The following NBAS variants were observed in gnomAD, a reference collection of about 807,000 sequenced individuals.
NBAS encodes NBAS subunit of NRZ tethering complex.
In NBAS, 219 loss-of-function variants were observed where a neutral mutation model predicts 302.5. The observed-to-expected ratio is 0.72, with a 90% CI of 0.65 to 0.81. The LOEUF (loss-of-function observed/expected upper bound fraction) is 0.81, where lower values mean the gene tolerates loss of function less well. Among genes scored for constraint, NBAS ranks in the 30% least tolerant of loss-of-function variants. The probability of loss-of-function intolerance (pLI) is 0.00; values close to 1 mark genes in which losing one functional copy is unlikely to be tolerated. For synonymous variants in NBAS, 1,118 were observed against 1,021.6 expected (o/e 1.09, Z -1.80); for missense variants, 2,932 against 2,841.6 (o/e 1.03, Z -0.72).
chr2:15,291,803 A>G (rs1445190370), intron 41 of NBAS, among the ~76,000 whole-genome samples: 1 of 152,222 alleles, frequency 6.6e-6, no homozygotes, highest in African/African-American at 2.4e-5. Flanking sequence ...ATTTCTAGCC[A>G]GACACAAAGG....
At chr2:15,483,409 A>G (rs749907263) in intron 12 of NBAS, 40 of 396,840 alleles carry the variant, frequency 1.0e-4, no homozygotes, top group Admixed American at 2.1e-4. Flanking sequence ...CAATGAAGAC[A>G]TAAGTTTGTA....
chr2:15,454,787 C>A (rs1679173521), intron 21 of NBAS, among the ~76,000 whole-genome samples: 1 of 152,152 alleles, frequency 6.6e-6, no homozygotes, highest in African/African-American at 2.4e-5. Flanking sequence ...TCACAAACTG[C>A]CACTCTTCTG....
At chr2:15,327,113 G>A (rs951143974) in intron 38 of NBAS, among the ~76,000 whole-genome samples, 1 of 152,072 alleles carries the variant, frequency 6.6e-6, no homozygotes, top group African/African-American at 2.4e-5. Context: ...CAAGAAAACT[G>A]CTTTTTCTTC....
chr2:15,057,005 T>C, the NBAS span, among the ~76,000 whole-genome samples: 1 of 151,970 alleles, frequency 6.6e-6, no homozygotes, highest in African/African-American at 2.4e-5. Flanking sequence ...ATTTTTTATA[T>C]TTTTAGTAGA....
chr2:14,913,876 T>G, the NBAS span, among the ~76,000 whole-genome samples: 4 of 152,196 alleles, frequency 2.6e-5, no homozygotes, highest in African/African-American at 9.6e-5. Flanking sequence ...TGAAGGGATT[T>G]CAATCCTAGC....
intron 48 of NBAS, among the ~76,000 whole-genome samples, chr2:15,194,316 C>G (rs773181180): frequency 6.2e-4 from 94 of 151,954 alleles, no homozygotes; most frequent in Non-Finnish European, 2.1e-4. Context: ...GCAGACAGAA[C>G]AACGTTACCT....
In NBAS at chr2:15,234,628, C is replaced by T; in HGVS notation, c.6063G>A (p.Leu2021=). ...CAAGAGGGCCAACTGCCACCTCTAG[C>T]AGCTGCTGAATCATTGCTAGAGGCT... The part of the protein sequence containing the change: ...DGQPLAMIQQ[L]LEVAVGPLDI... Residue 2021 remains leucine, a synonymous_variant, in exon 46 of 52, where the codon CTG becomes CTA. Coordinates refer to ENST00000281513, the MANE Select transcript of NBAS (RefSeq NM_015909.4). The T allele has an allele frequency of 1.2e-6, 2 of 1,614,184 alleles. No individual in the cohort carries two copies. Among genetic ancestry groups the T allele is most frequent in the Non-Finnish European group, 1.7e-6 (2 of 1,180,016 alleles).
the NBAS span, among the ~76,000 whole-genome samples, chr2:15,155,248 T>C: frequency 1.3e-5 from 2 of 152,208 alleles, no homozygotes; most frequent in African/African-American, 4.8e-5. Context: ...GAGAAAAATA[T>C]GTATGTCAAG....
rs2148560127 is a variant in NBAS at position 15,461,353 on chromosome 2, G to A, written c.2203-16C>T. The A allele has an allele frequency of 6.2e-7, 1 of 1,609,402 alleles. No homozygotes were observed. The highest frequency in any genetic ancestry group is 1.1e-5 in the South Asian group (1 of 90,978). ...CATTACTTTCCTGTACAAAAGGCAA[G>A]GGGTAAGTTTCTAATGTAAATCTAA... On this transcript the variant is annotated splice_polypyrimidine_tract_variant and intron_variant, in intron 20 of 51. Transcript: ENST00000281513.
the NBAS span, among the ~76,000 whole-genome samples, chr2:15,161,316 C>T: frequency 6.6e-6 from 1 of 152,090 alleles, no homozygotes; most frequent in South Asian, 2.1e-4. Context: ...TATCTCATTG[C>T]TAGTACTAGC....
At position 15,306,069 on chromosome 2, in the gene NBAS, T is replaced by C. The variant is rs114119284; in HGVS notation, c.4797+2147A>G. On this transcript the variant is annotated intron_variant, in intron 40 of 51. Coordinates refer to ENST00000281513, the MANE Select transcript of NBAS (RefSeq NM_015909.4). ...TACTTAGAGTTTTAGAGGAAATTAT[T>C]TGGCACTTGTGTACACACATAGCAC... Among the ~76,000 whole-genome samples the C allele has an allele frequency of 3.4e-3, 523 of 152,330 alleles. 2 individuals carry two copies. Among genetic ancestry groups the C allele is most frequent in the African/African-American group, 0.012 (496 of 41,584 alleles).
chr2:15,263,128 C>A (rs912390834), intron 44 of NBAS, among the ~76,000 whole-genome samples: 17 of 152,174 alleles, frequency 1.1e-4, no homozygotes, highest in African/African-American at 4.1e-4. Flanking sequence ...CCAATCATCA[C>A]AAAAGTGGTG....
chr2:15,498,245 A>T (rs1404227149), intron 11 of NBAS, among the ~76,000 whole-genome samples: 1 of 152,228 alleles, frequency 6.6e-6, no homozygotes, highest in African/African-American at 2.4e-5. Context: ...CTAGAGTTCC[A>T]CTTGCTATAA....
At chr2:14,882,889 T>C in the NBAS span, among the ~76,000 whole-genome samples, 15 of 152,178 alleles carry the variant, frequency 9.9e-5, no homozygotes, top group Non-Finnish European at 8.8e-5. Context: ...CCATAGAGAC[T>C]CATATCAGTG....
chr2:15,484,277 A>T (rs1018374156), intron 12 of NBAS, among the ~76,000 whole-genome samples: 6 of 152,170 alleles, frequency 3.9e-5, no homozygotes, highest in Non-Finnish European at 5.9e-5. Context: ...TCTCTGATTT[A>T]CCCAGATAAA....
the NBAS span, among the ~76,000 whole-genome samples, chr2:14,789,756 A>G: frequency 2.0e-5 from 3 of 152,180 alleles, no homozygotes; most frequent in Non-Finnish European, 4.4e-5. Flanking sequence ...ATACTGATCC[A>G]TTTGTTTATG....
intron 34 of NBAS, among the ~76,000 whole-genome samples, chr2:15,353,141 T>TC (rs758668225): frequency 1.7e-4 from 26 of 151,660 alleles, no homozygotes; most frequent in African/African-American, 5.3e-4. Flanking sequence ...AAATTTAGCA[T>TC]CCCCCCCAAC....
In NBAS at chr2:15,376,490, T is replaced by C. The variant is rs752775327; in HGVS notation, c.3591-1770A>G. On this transcript the variant is annotated intron_variant, in intron 30 of 51. Transcript: ENST00000281513. ...GTATTTTCATCATTTGAAATAAAAA[T>C]AGAATCGCTTAGGAGAAAAGAAAGA... Among the ~76,000 whole-genome samples the C allele has an allele frequency of 1.4e-4, 22 of 152,256 alleles. No homozygotes were observed. The South Asian group carries it at 3.1e-3, about 22-fold the overall frequency.
intron 19 of NBAS, among the ~76,000 whole-genome samples, chr2:15,466,632 A>C (rs568746325): frequency 6.6e-6 from 1 of 152,266 alleles, no homozygotes; most frequent in Admixed American, 6.5e-5. Flanking sequence ...ACTAAATTCA[A>C]CCCACTAACA....
Sources: allele counts gnomAD v4.1 joint callset (sites outside exome capture counted in the v4.1 genomes callset), GRCh38; gene constraint gnomAD v4.1.1; transcripts MANE v1.5; gene names NCBI Gene and HGNC (gene_info 2026-07-23, HGNC 2026-07-21).